DPYD: variants seen among roughly 807,000 people sequenced by gnomAD.
DPYD encodes the protein dihydropyrimidine dehydrogenase.
Under a neutral mutation model 116.2 loss-of-function variants are expected in DPYD, and 109 were observed. The observed-to-expected ratio is 0.94, with a 90% CI of 0.80 to 1.10. DPYD has a LOEUF of 1.10. Ranked by LOEUF, DPYD falls within the 50% of genes least tolerant of loss-of-function variation. The pLI is 0.00. For missense variants in DPYD, 1,302 were observed against 1,254.5 expected, an observed-to-expected ratio of 1.04 and a Z score of -0.57; for synonymous variants, 440 against 432.0, an observed-to-expected ratio of 1.02 and a Z score of -0.23.
intron 14 of DPYD, among the ~76,000 whole-genome samples, chr1:97,447,421 G>A (rs149994689): frequency 7.2e-5 from 11 of 152,224 alleles, no homozygotes; most frequent in African/African-American, 2.6e-4. Flanking sequence ...TGGCAATATC[G>A]AGGTGCACAC....
At chr1:97,146,818 T>C (rs1471174982) in intron 20 of DPYD, among the ~76,000 whole-genome samples, 2 of 152,174 alleles carry the variant, frequency 1.3e-5, no homozygotes, top group African/African-American at 2.4e-5. Flanking sequence ...TATGAATATA[T>C]GTATAAAATA....
chr1:97,665,232 C>T (rs554370929), intron 8 of DPYD, among the ~76,000 whole-genome samples: 1 of 152,014 alleles, frequency 6.6e-6, no homozygotes, highest in African/African-American at 2.4e-5. Context: ...CACACAAAAT[C>T]CCAATAATGT....
intron 1 of DPYD, among the ~76,000 whole-genome samples, chr1:97,909,086 T>A (rs1673789987): frequency 6.6e-6 from 1 of 152,162 alleles, no homozygotes; most frequent in Non-Finnish European, 1.5e-5. Flanking sequence ...ACTATACTTA[T>A]TATTTTCATT....
At chr1:97,679,228 A>T in intron 7 of DPYD, 46 bp from the exon 8 acceptor site, 1 of 1,022,158 alleles carries the variant, frequency 9.8e-7, no homozygotes, top group Non-Finnish European at 1.5e-6. Context: ...CATATGATTA[A>T]TTAAAATCTT....
intron 16 of DPYD, among the ~76,000 whole-genome samples, chr1:97,311,708 C>T (rs986354666): frequency 4.6e-5 from 7 of 151,460 alleles, no homozygotes; most frequent in African/African-American, 1.7e-4. Flanking sequence ...AATTGTCCAT[C>T]AAGAGTAAAA....
intron 4 of DPYD, among the ~76,000 whole-genome samples, chr1:97,726,653 T>A (rs1223694325): frequency 6.6e-6 from 1 of 151,296 alleles, no homozygotes; most frequent in Non-Finnish European, 1.5e-5. Flanking sequence ...ATAAAAACAG[T>A]ATCATGCAAA....
rs144910440 is a variant in DPYD, at chr1:97,693,906, A to T, written c.681-2108T>A. On this transcript the variant is annotated intron_variant, in intron 6 of 22. Coordinates refer to ENST00000370192, the MANE Select transcript of DPYD (RefSeq NM_000110.4). ...TCAATGGTTCTGACTTAAGAAAAAA[A>T]CTCTGAAAGGCATGTTATAAAAAGC... 7.9e-5 allele frequency among the ~76,000 whole-genome samples: 12 copies of T among 152,266 alleles called. No homozygotes were observed. In the East Asian group the frequency reaches 2.3e-3, roughly 29 times the overall value.
At chr1:97,691,590 C>CT in intron 7 of DPYD, 127 bp downstream of exon 7, 1 of 800,750 alleles carries the variant, frequency 1.2e-6, no homozygotes, top group Non-Finnish European at 2.1e-6. Context: ...AAGCATCTTT[C>CT]TGCTTCTGCC....
intron 8 of DPYD, among the ~76,000 whole-genome samples, chr1:97,598,404 G>C (rs185135190): frequency 2.4e-4 from 36 of 152,286 alleles, no homozygotes; most frequent in Admixed American, 1.6e-3. Flanking sequence ...TATGAATAAA[G>C]ATGAATTGAC....
intron 3 of DPYD, among the ~76,000 whole-genome samples, chr1:97,758,089 CTT>C (rs1665356025): frequency 2.6e-5 from 4 of 152,222 alleles, no homozygotes; most frequent in Middle Eastern, 6.8e-3. Flanking sequence ...TAAATAAACT[CTT>C]GAGGGAAGAC....
chr1:97,091,619 T>C (rs148255582), intron 21 of DPYD, among the ~76,000 whole-genome samples: 448 of 152,254 alleles, frequency 2.9e-3, no homozygotes, highest in Non-Finnish European at 4.9e-3. Context: ...TCTGAAATAA[T>C]GGGCAAAATG....
At chr1:97,789,715 G>A (rs1571360414) in intron 3 of DPYD, among the ~76,000 whole-genome samples, 2 of 152,054 alleles carry the variant, frequency 1.3e-5, no homozygotes, top group Admixed American at 6.6e-5. Context: ...CTCAAAAGCA[G>A]TATTTGAATA....
chr1:97,838,869 A>G (rs1352404292), intron 2 of DPYD, among the ~76,000 whole-genome samples: 3 of 152,080 alleles, frequency 2.0e-5, no homozygotes, highest in Non-Finnish European at 4.4e-5. Flanking sequence ...AAAATAAATA[A>G]AAAAATAAAA....
chr1:97,224,211 A>G (rs1490430908), intron 19 of DPYD, among the ~76,000 whole-genome samples: 1 of 152,072 alleles, frequency 6.6e-6, no homozygotes, highest in Non-Finnish European at 1.5e-5. Context: ...CAGGAAGGCA[A>G]GCCTGTAATC....
Position 97,415,717 on chromosome 1 carries a change from C to G in DPYD, c.1906-33256G>C, listed in dbSNP as rs1324240558. On this transcript the variant is annotated intron_variant, in intron 14 of 22. Transcript: ENST00000370192. ...ATGTGGCATTTTCCATGCTTTATTA[C>G]TGATAAATTTTTTGGACATTTCTGC... 3.9e-5 allele frequency among the ~76,000 whole-genome samples: 6 copies of G among 152,276 alleles called. No individual in the cohort carries two copies. In the East Asian group the frequency reaches 7.7e-4, roughly 20 times the overall value.
At chr1:97,863,354 G>A (rs191955020) in intron 2 of DPYD, among the ~76,000 whole-genome samples, 1 of 152,014 alleles carries the variant, frequency 6.6e-6, no homozygotes, top group East Asian at 1.9e-4. Flanking sequence ...AATTGGTAAT[G>A]CCTTTCTAGA....
intron 13 of DPYD, among the ~76,000 whole-genome samples, chr1:97,464,198 C>T (rs1038602986): frequency 1.3e-5 from 2 of 150,798 alleles, no homozygotes; most frequent in Non-Finnish European, 3.0e-5. Context: ...GAGATTGCAC[C>T]ACTGCACTCC....
At chr1:97,783,926 AC>A (rs1450282292) in intron 3 of DPYD, among the ~76,000 whole-genome samples, 5 of 152,190 alleles carry the variant, frequency 3.3e-5, no homozygotes, top group Non-Finnish European at 7.3e-5. Context: ...GGTTCCCATG[AC>A]AATAGATGCT....
At chr1:97,082,725 T>A (rs1432377285) in intron 21 of DPYD, among the ~76,000 whole-genome samples, 2 of 152,110 alleles carry the variant, frequency 1.3e-5, no homozygotes, top group African/African-American at 4.8e-5. Flanking sequence ...GGTTTTTGAC[T>A]GGATAATTTA....
Sources: gnomAD v4.1 joint callset for allele counts (sites outside exome capture counted in the v4.1 genomes callset) on GRCh38, gnomAD v4.1.1 for gene constraint, MANE v1.5 for transcripts, NCBI Gene and HGNC (gene_info 2026-07-23, HGNC 2026-07-21) for gene names.